PBX1: variants seen among roughly 807,000 people sequenced by gnomAD.
PBX1 encodes pre-B-cell leukemia transcription factor 1.
Under a neutral mutation model 53.4 loss-of-function variants are expected in PBX1, and 6 were observed. The ratio of observed to expected loss-of-function variants is 0.11; its 90% CI spans 0.06 to 0.22. The LOEUF (loss-of-function observed/expected upper bound fraction) is 0.22, where lower values mean the gene tolerates loss of function less well. Ranked by LOEUF, PBX1 falls within the 10% of genes least tolerant of loss-of-function variation. The pLI is 1.00. For missense variants in PBX1, 251 were observed against 551.4 expected (o/e 0.46, Z 5.46); for synonymous variants, 204 against 212.3 (o/e 0.96, Z 0.34).
intron 2 of PBX1, among the ~76,000 whole-genome samples, chr1:164,766,197 G>C (rs948413407): frequency 6.6e-6 from 1 of 152,188 alleles, no homozygotes; most frequent in African/African-American, 2.4e-5. Context: ...GTATATGCTA[G>C]GGTGAAGGGA....
intron 2 of PBX1, among the ~76,000 whole-genome samples, chr1:164,629,612 A>G (rs1260649963): frequency 6.6e-6 from 1 of 152,222 alleles, no homozygotes; most frequent in Non-Finnish European, 1.5e-5. Flanking sequence ...CACATCTCCC[A>G]GTCTTCAGTT....
At chr1:164,876,005 T>TATATATAC (rs1487676214) in intron 2 of PBX1, among the ~76,000 whole-genome samples, 55 of 56,836 alleles carry the variant, frequency 9.7e-4, no homozygotes, top group Admixed American at 5.0e-3. Context: ...TATATATATA[T>TATATATAC]ACACACATAC....
At position 164,612,210 on chromosome 1, in the gene PBX1, T is replaced by C. The variant is rs917486271; in HGVS notation, c.265+48899T>C. On this transcript the variant is annotated intron_variant, in intron 2 of 8. Coordinates refer to ENST00000420696, the MANE Select transcript of PBX1 (RefSeq NM_002585.4). Reference sequence around the variant, plus strand: ...TTTTTCTGCTTGGACCTTCCACCTCTGGGCGCCTCAGCCAACCTATCATTG... The same window carrying C: ...TTTTTCTGCTTGGACCTTCCACCTCCGGGCGCCTCAGCCAACCTATCATTG... Among the ~76,000 whole-genome samples the C allele has an allele frequency of 1.1e-4, 16 of 152,282 alleles. 1 individual carries two copies. In the South Asian group the frequency reaches 2.9e-3, roughly 28 times the overall value.
chr1:164,821,929 A>C (rs938374127), intron 8 of PBX1, among the ~76,000 whole-genome samples: 16 of 152,290 alleles, frequency 1.1e-4, no homozygotes, highest in Non-Finnish European at 2.1e-4. Context: ...CACCTAGTAC[A>C]ACAGTGGTAG....
chr1:164,776,932 TG>T (rs1667684068), intron 2 of PBX1, among the ~76,000 whole-genome samples: 3 of 74,624 alleles, frequency 4.0e-5, no homozygotes, highest in East Asian at 9.4e-4. Context: ...TGTGTGTGTG[TG>T]TGGTGGGAGG....
intron 2 of PBX1, among the ~76,000 whole-genome samples, chr1:164,638,050 G>A (rs767689784): frequency 3.9e-5 from 6 of 152,156 alleles, no homozygotes; most frequent in Non-Finnish European, 7.4e-5. Flanking sequence ...ATGTTTATAC[G>A]TTCCTTCGAA....
intron 2 of PBX1, among the ~76,000 whole-genome samples, chr1:164,566,134 A>G (rs535045297): frequency 6.6e-6 from 1 of 152,268 alleles, no homozygotes; most frequent in African/African-American, 2.4e-5. Context: ...TGTATTACCA[A>G]CCTTTTGGAA....
intron 2 of PBX1, among the ~76,000 whole-genome samples, chr1:164,863,399 A>G (rs1672142969): frequency 6.6e-6 from 1 of 152,226 alleles, no homozygotes; most frequent in African/African-American, 2.4e-5. Context: ...CCGAGAGCCT[A>G]CTGTGAACCA....
chr1:164,875,227 C>T (rs149621333), intron 2 of PBX1, among the ~76,000 whole-genome samples: 71 of 152,252 alleles, frequency 4.7e-4, no homozygotes, highest in Admixed American at 1.3e-3. Flanking sequence ...AAAGGAAGCA[C>T]GACTGGGCTG....
chr1:164,877,722 T>C (rs994010882), intron 2 of PBX1, among the ~76,000 whole-genome samples: 10 of 152,186 alleles, frequency 6.6e-5, no homozygotes, highest in Admixed American at 5.2e-4. Context: ...CTCAACTTCA[T>C]TGAACATAAT....
chr1:164,718,740 C>T (rs1238625422), intron 2 of PBX1, among the ~76,000 whole-genome samples: 1 of 152,126 alleles, frequency 6.6e-6, no homozygotes, highest in Non-Finnish European at 1.5e-5. Context: ...GCTTTTGACT[C>T]TTTGACTTTG....
intron 6 of PBX1, chr1:164,816,027 G>A (rs1669865744): frequency 6.6e-6 from 1 of 152,068 alleles, no homozygotes; most frequent in Non-Finnish European, 1.5e-5. Flanking sequence ...TAAATCCACA[G>A]GAATTCTTAT....
chr1:164,625,101 T>TAC (rs1223614681), intron 2 of PBX1, among the ~76,000 whole-genome samples: 3 of 152,142 alleles, frequency 2.0e-5, no homozygotes, highest in East Asian at 3.9e-4. Flanking sequence ...AGGGCATAGG[T>TAC]GGCACTAGCT....
At chr1:164,711,954 G>C (rs920014935) in intron 2 of PBX1, among the ~76,000 whole-genome samples, 4 of 152,098 alleles carry the variant, frequency 2.6e-5, no homozygotes, top group Admixed American at 6.5e-5. Context: ...TTTGTCTGAA[G>C]AGTAGGGAGA....
chr1:164,616,846 C>G (rs1004830955), intron 2 of PBX1, among the ~76,000 whole-genome samples: 2 of 152,142 alleles, frequency 1.3e-5, no homozygotes, highest in Non-Finnish European at 2.9e-5. Flanking sequence ...TTCACATAAT[C>G]CTCATAATAA....
rs1038633319 is a variant in PBX1 at position 164,884,428 on chromosome 1, G to T, written n.258-14760G>T. The T allele has an allele frequency of 3.5e-4, 113 of 323,168 alleles. No homozygotes were observed. In the Middle Eastern group the frequency reaches 3.8e-3, roughly 11 times the overall value. 20.0% of individuals were successfully genotyped at this position (323,168 alleles called of 1,614,324 possible). ...AGATCTTGCCAGAGGGTGGGCGAAA[G>T]AAATAAAAACTGAAATCGGTCAATT... On this transcript the variant is annotated intron_variant and non_coding_transcript_variant, in intron 2 of 2. Coordinates refer to the PBX1 transcript ENST00000558796.
chr1:164,880,388 C>T (rs1672618424), intron 2 of PBX1, among the ~76,000 whole-genome samples: 1 of 152,182 alleles, frequency 6.6e-6, no homozygotes, highest in South Asian at 2.1e-4. Context: ...TATCGTGCTA[C>T]AGCATGTCTG....
Position 164,849,010 on chromosome 1 carries a change from T to C in PBX1, c.*2334T>C, listed in dbSNP as rs1671700553. ...TCAGAACAGATGCCTAGAAGGAGCA[T>C]TTTTGTGACAACTTCATAGTGATTA... On this transcript the variant is annotated 3_prime_UTR_variant, in exon 9 of 9. Coordinates refer to ENST00000420696, the MANE Select transcript of PBX1 (RefSeq NM_002585.4). 3.4e-6 allele frequency: 4 copies of C among 1,169,660 alleles called. No individual in the cohort carries two copies. Among genetic ancestry groups the C allele is most frequent in the Non-Finnish European group, 4.2e-6 (4 of 944,016 alleles). The allele number at this position is 1,169,660 out of a possible 1,614,324, so 72.5% of individuals were successfully genotyped here. A position where few individuals can be genotyped will look rare whatever the true frequency, so the allele number is the denominator to read the frequency against.
intron 2 of PBX1, among the ~76,000 whole-genome samples, chr1:164,726,533 G>A (rs944848886): frequency 6.6e-6 from 1 of 152,200 alleles, no homozygotes; most frequent in Admixed American, 6.5e-5. Context: ...GATATAAATA[G>A]ATTCATGCTA....
Sources: allele counts gnomAD v4.1 joint callset (sites outside exome capture counted in the v4.1 genomes callset), GRCh38; gene constraint gnomAD v4.1.1; transcripts MANE v1.5; gene names NCBI Gene and HGNC (gene_info 2026-07-23, HGNC 2026-07-21).